The following THSD4 variants were observed in gnomAD, a reference collection of about 807,000 sequenced individuals.
THSD4 encodes the protein thrombospondin type-1 domain-containing protein 4.
Under a neutral mutation model 119.0 loss-of-function variants are expected in THSD4, and 69 were observed. The observed-to-expected ratio is 0.58, with a 90% CI of 0.48 to 0.71. THSD4 has a LOEUF of 0.71. Among genes scored for constraint, THSD4 ranks in the 30% least tolerant of loss-of-function variants. The pLI, the probability that THSD4 is intolerant of heterozygous loss-of-function variation, is 0.00. For synonymous variants in THSD4, 524 were observed against 540.4 expected, an observed-to-expected ratio of 0.97 and a Z score of 0.42; for missense variants, 1,393 against 1,391.1, an observed-to-expected ratio of 1.00 and a Z score of -0.02.
intron 6 of THSD4, among the ~76,000 whole-genome samples, chr15:71,276,310 A>G (rs541654268): frequency 2.4e-4 from 36 of 152,324 alleles, no homozygotes; most frequent in African/African-American, 7.5e-4. Flanking sequence ...TAATACAATC[A>G]TGTTGTCACC....
At chr15:71,537,306 A>G (rs1321274785) in intron 7 of THSD4, among the ~76,000 whole-genome samples, 3 of 152,134 alleles carry the variant, frequency 2.0e-5, no homozygotes, top group African/African-American at 7.2e-5. Context: ...TGCAAAATGC[A>G]AATCTGGTCC....
intron 6 of THSD4, among the ~76,000 whole-genome samples, chr15:71,400,427 T>C (rs1410039320): frequency 6.6e-6 from 1 of 152,230 alleles, no homozygotes; most frequent in African/African-American, 2.4e-5. Context: ...AACTTTGTCC[T>C]GGAAAATGCA....
At chr15:71,520,668 C>G (rs766381008) in intron 7 of THSD4, among the ~76,000 whole-genome samples, 61 of 152,194 alleles carry the variant, frequency 4.0e-4, no homozygotes, top group Non-Finnish European at 7.2e-4. Context: ...ATGCTGAGCA[C>G]TTGACATATA....
intron 6 of THSD4, among the ~76,000 whole-genome samples, chr15:71,392,951 G>A (rs1420200530): frequency 1.3e-5 from 2 of 152,182 alleles, no homozygotes; most frequent in East Asian, 1.9e-4. Context: ...CCTTCCCAGC[G>A]CTTCCTTTGA....
At chr15:71,639,072 T>A (rs1236662468) in intron 7 of THSD4, among the ~76,000 whole-genome samples, 2 of 152,162 alleles carry the variant, frequency 1.3e-5, no homozygotes, top group Non-Finnish European at 2.9e-5. Flanking sequence ...CACCTGCCAC[T>A]CCCACTCACA....
At chr15:71,159,661 G>A (rs890717873) in intron 3 of THSD4, among the ~76,000 whole-genome samples, 2 of 152,026 alleles carry the variant, frequency 1.3e-5, no homozygotes, top group African/African-American at 4.8e-5. Context: ...AGAAGAATTT[G>A]TTTATTAGTT....
At chr15:71,657,903 CTG>C (rs1176120444) in intron 7 of THSD4, among the ~76,000 whole-genome samples, 1 of 152,164 alleles carries the variant, frequency 6.6e-6, no homozygotes, top group African/African-American at 2.4e-5. Flanking sequence ...TTGTCTGTGT[CTG>C]TGGTTATCTG....
rs1266306924 is a variant in THSD4 at position 71,115,546 on chromosome 15, ACAG to A, written c.-230_-228del. 1 of 150,760 alleles carries A rather than the reference ACAG, an allele frequency of 6.6e-6. No homozygotes were observed. Among genetic ancestry groups the A allele is most frequent in the Non-Finnish European group, 1.5e-5 (1 of 67,634 alleles). 9.3% of individuals were successfully genotyped at this position (150,760 alleles called of 1,614,324 possible). A position where few individuals can be genotyped will look rare whatever the true frequency, so the allele number is the denominator to read the frequency against. ...GCGCAGCCCGACGCGGAATCGGGGC[ACAG>A]CGGGAGCCCGTGCAGGGCGGGCGCG... On this transcript the variant is annotated 5_prime_UTR_variant, in exon 1 of 18. Transcript: ENST00000261862. This position sits in a 1 kb window ranked among gnomAD's most constrained non-coding sequence, Gnocchi z 4.4.
intron 7 of THSD4, 144 bp from the exon 8 acceptor site, chr15:71,660,386 C>T (rs867202623): frequency 6.6e-5 from 58 of 885,044 alleles, no homozygotes; most frequent in Middle Eastern, 7.0e-4. Flanking sequence ...TCTGGTTTAC[C>T]GTCTGTGGCT....
chr15:71,472,667 C>T (rs989860258), intron 7 of THSD4, among the ~76,000 whole-genome samples: 4 of 152,188 alleles, frequency 2.6e-5, no homozygotes, highest in African/African-American at 7.2e-5. Flanking sequence ...CAGAAACATC[C>T]CCTCTCCTGA....
chr15:71,525,084 G>A (rs2140797399), intron 7 of THSD4, among the ~76,000 whole-genome samples: 1 of 151,878 alleles, frequency 6.6e-6, no homozygotes, highest in Admixed American at 6.6e-5. Flanking sequence ...TGAGAGAAAT[G>A]TAGCCATCAA....
chr15:71,613,195 G>A (rs1202269619), intron 7 of THSD4, among the ~76,000 whole-genome samples: 1 of 152,086 alleles, frequency 6.6e-6, no homozygotes, highest in African/African-American at 2.4e-5. Flanking sequence ...TGCATGGGAA[G>A]AGTTTTATAT....
At chr15:71,137,134 A>AT (rs1478128973) in intron 1 of THSD4, among the ~76,000 whole-genome samples, 4 of 152,262 alleles carry the variant, frequency 2.6e-5, no homozygotes, top group East Asian at 3.9e-4. Context: ...AGATTGTTAG[A>AT]TTTTTTGTTC....
chr15:71,339,644 A>C lies in THSD4; in HGVS notation c.1016-72043A>C, dbSNP rs531502427. ...CTGTCATAACTTGAGATAAGTTCTT[A>C]ATTGCCCTGTGCCTCAGTTTCCTAA... On this transcript the variant is annotated intron_variant, in intron 6 of 17. Coordinates refer to ENST00000261862, the MANE Select transcript of THSD4 (RefSeq NM_024817.3). Among the ~76,000 whole-genome samples, 11 of 152,288 alleles carry C rather than the reference A, an allele frequency of 7.2e-5. No homozygotes were observed. The East Asian group carries it at 2.1e-3, about 29-fold the overall frequency.
chr15:71,415,747 T>C (rs1006621838), intron 7 of THSD4, among the ~76,000 whole-genome samples: 1 of 152,192 alleles, frequency 6.6e-6, no homozygotes, highest in Non-Finnish European at 1.5e-5. Flanking sequence ...GTTCAATTGT[T>C]TTAATTTTTG....
intron 3 of THSD4, chr15:71,186,789 T>C (rs2043609547): frequency 6.6e-6 from 1 of 152,236 alleles, no homozygotes; most frequent in East Asian, 1.9e-4. Context: ...TTTCAGGTGA[T>C]TAATGATATT....
chr15:71,139,679 C>A (rs957648163), intron 1 of THSD4, among the ~76,000 whole-genome samples: 3 of 152,184 alleles, frequency 2.0e-5, no homozygotes, highest in African/African-American at 7.2e-5. Flanking sequence ...GATTCTTTTT[C>A]CCTGAGAATG....
At chr15:71,499,512 A>G (rs1022066618) in intron 7 of THSD4, among the ~76,000 whole-genome samples, 2 of 151,534 alleles carry the variant, frequency 1.3e-5, no homozygotes, top group Non-Finnish European at 2.9e-5. Context: ...AAAAAAAAAA[A>G]ACATAAAATT....
At chr15:71,452,484 A>G (rs2047279056) in intron 7 of THSD4, among the ~76,000 whole-genome samples, 1 of 148,460 alleles carries the variant, frequency 6.7e-6, no homozygotes, top group Non-Finnish European at 1.5e-5. Context: ...AAAGGGATTA[A>G]CCCTTGTCAT....
Sources: allele counts gnomAD v4.1 joint callset (sites outside exome capture counted in the v4.1 genomes callset), GRCh38; gene constraint gnomAD v4.1.1; non-coding constraint Gnocchi (gnomAD v3.1); transcripts MANE v1.5; gene names NCBI Gene and HGNC (gene_info 2026-07-23, HGNC 2026-07-21).